KLHDC4: variants seen among roughly 807,000 people sequenced by gnomAD.
KLHDC4 encodes kelch domain containing 4, also known as kelch domain-containing protein 4.
In KLHDC4, 90 loss-of-function variants were observed where a neutral mutation model predicts 62.4. The observed-to-expected ratio is 1.44, with a 90% CI of 1.22 to 1.72. The LOEUF (loss-of-function observed/expected upper bound fraction) is 1.72. Among genes scored for constraint, KLHDC4 ranks in the 40% most tolerant of loss-of-function variants. KLHDC4 has a pLI of 0.00. For synonymous variants in KLHDC4, 386 were observed against 284.4 expected, an observed-to-expected ratio of 1.36 and a Z score of -3.59; for missense variants, 1,025 against 699.7, an observed-to-expected ratio of 1.47 and a Z score of -5.25.
intron 9 of KLHDC4, 53 bp downstream of exon 9, chr16:87,711,182 G>T: frequency 1.3e-6 from 2 of 1,584,340 alleles, no homozygotes; most frequent in African/African-American, 1.3e-5. Flanking sequence ...TGGTGGCAGG[G>T]ACCCAAGTTA....
At chr16:87,716,931 C>A (rs8053132) in intron 7 of KLHDC4, among the ~76,000 whole-genome samples, 7 of 146,814 alleles carry the variant, frequency 4.8e-5, no homozygotes, top group African/African-American at 1.8e-4. Context: ...GACTCCGTCT[C>A]AAAAAAAAGA....
chr16:87,719,023 G>A (rs546419089), intron 7 of KLHDC4, among the ~76,000 whole-genome samples: 9 of 151,496 alleles, frequency 5.9e-5, no homozygotes, highest in South Asian at 2.1e-4. Context: ...GAGCGTCTCC[G>A]CCCAGCAGCC....
chr16:87,716,598 G>C (rs992608645), intron 7 of KLHDC4, among the ~76,000 whole-genome samples: 4 of 152,074 alleles, frequency 2.6e-5, no homozygotes, highest in Admixed American at 6.5e-5. Flanking sequence ...TTTCTCAAGG[G>C]AGCCCTGGTT....
chr16:87,711,274 G>C lies in KLHDC4; in HGVS notation c.1005C>G (p.Tyr335Ter), dbSNP rs150687605. ...SGEFFNDLYF[Y>*]DATRNRWFEG... ...CAAACCAACGGTTCCTGGTGGCGTC[G>C]TAGAAGTACAGATCGTTGAAGAACT... The change falls in exon 9 of 12, where the codon TAC becomes TAG. Residue 335 changes from tyrosine to a stop codon, truncating the protein, a stop_gained. Transcript: ENST00000270583. LOFTEE classifies it high-confidence loss of function. 5.0e-6 allele frequency: 8 copies of C among 1,614,018 alleles called. No homozygotes were observed. Among genetic ancestry groups the C allele is most frequent in the East Asian group, 2.2e-5 (1 of 44,898 alleles).
At chr16:87,756,297 G>C in intron 3 of KLHDC4, 102 bp downstream of exon 3, 1 of 856,176 alleles carries the variant, frequency 1.2e-6, no homozygotes, top group East Asian at 2.5e-5. Flanking sequence ...GATACAAGGG[G>C]TGAAGGGGCT....
At chr16:87,716,092 G>C (rs1022501726) in intron 7 of KLHDC4, among the ~76,000 whole-genome samples, 12 of 152,198 alleles carry the variant, frequency 7.9e-5, no homozygotes, top group Non-Finnish European at 1.6e-4. Flanking sequence ...ATGTCTCGTG[G>C]ATACTGACGT....
intron 3 of KLHDC4, 117 bp from the exon 4 acceptor site, chr16:87,755,409 C>G: frequency 3.4e-6 from 2 of 590,558 alleles, no homozygotes; most frequent in Non-Finnish European, 6.1e-6. Flanking sequence ...GAATGTAAAC[C>G]ATACCAGCAC....
Position 87,755,182 on chromosome 16 carries a change from T to G in KLHDC4, c.369+12A>C, listed in dbSNP as rs2044672384. 6.3e-7 allele frequency: 1 copy of G among 1,582,170 alleles called. No individual in the cohort carries two copies. Among genetic ancestry groups the G allele is most frequent in the Non-Finnish European group, 8.7e-7 (1 of 1,151,330 alleles). ...AAGAGGGAGGGTGGCTGAGAGTCAG[T>G]GCTGACATTACCTGGTGAGCACAGC... On this transcript the variant is annotated intron_variant, in intron 4 of 11. Transcript: ENST00000270583.
chr16:87,709,904 C>T, intron 9 of KLHDC4: 2 of 562,700 alleles, frequency 3.6e-6, no homozygotes, highest in Non-Finnish European at 6.3e-6. Flanking sequence ...AAACCCCCCA[C>T]TGCGTGTCCT....
chr16:87,710,608 A>G lies in KLHDC4; in HGVS notation c.1044+627T>C, dbSNP rs1270486411. On this transcript the variant is annotated intron_variant, in intron 9 of 11. Transcript: ENST00000270583. ...GACTCTGCTTGGAGCAATTCCTTCT[A>G]AAGTAAAAGAGCGAGGCGGACTGTG... 3.3e-5 allele frequency: 5 copies of G among 152,538 alleles called. No homozygotes were observed. The East Asian group carries it at 9.6e-4, about 29-fold the overall frequency. The allele number at this position is 152,538 out of a possible 1,614,324, so 9.4% of individuals were successfully genotyped here. A position where few individuals can be genotyped will look rare whatever the true frequency, so the allele number is the denominator to read the frequency against.
downstream of KLHDC4, among the ~76,000 whole-genome samples, chr16:87,704,958 T>A (rs543055546): frequency 9.9e-5 from 15 of 152,064 alleles, no homozygotes; most frequent in African/African-American, 3.6e-4. Flanking sequence ...AGACGATTCA[T>A]CCTTTAAAAT....
intron 8 of KLHDC4, among the ~76,000 whole-genome samples, chr16:87,713,907 C>A (rs1044521651): frequency 2.0e-5 from 3 of 151,238 alleles, no homozygotes; most frequent in African/African-American, 2.4e-5. Flanking sequence ...GGCATTCTAA[C>A]AGCCCCGAGT....
chr16:87,751,175 A>T (rs1035248587), intron 4 of KLHDC4, among the ~76,000 whole-genome samples: 1 of 152,218 alleles, frequency 6.6e-6, no homozygotes, highest in East Asian at 1.9e-4. Context: ...CGTGAAATAG[A>T]TGCATAGAAA....
Position 87,748,761 on chromosome 16 carries a change from C to G in KLHDC4, c.418G>C (p.Glu140Gln). 1 of 1,613,410 alleles carries G rather than the reference C, an allele frequency of 6.2e-7. No individual in the cohort carries two copies. The highest frequency in any genetic ancestry group is 8.5e-7 in the Non-Finnish European group (1 of 1,179,880). ...GGGQLWVFGG[E>Q]FASPNGEQFY... ...TGCTCTCCGTTGGGAGAGGCAAACT[C>G]CCCTCCAAAGACCCACAGCTGTCCG... The change falls in exon 5 of 12, where the codon GAG becomes CAG. Residue 140 changes from glutamate (E) to glutamine (Q), a missense_variant. Glu to Gln is a conservative substitution (Grantham distance 29). Transcript: ENST00000270583.
intron 3 of KLHDC4, 155 bp from the exon 4 acceptor site, chr16:87,755,447 G>A (rs904685322): frequency 6.3e-5 from 33 of 524,232 alleles, no homozygotes; most frequent in Middle Eastern, 5.8e-4. Context: ...GGTCCCCGGG[G>A]CCATTGGGGA....
intron 7 of KLHDC4, among the ~76,000 whole-genome samples, chr16:87,721,414 TAAAAA>T (rs1176744434): frequency 2.5e-5 from 2 of 78,900 alleles, no homozygotes; most frequent in African/African-American, 5.2e-5. Context: ...ACTCTGTCTC[TAAAAA>T]AAAAAAAAAA....
At chr16:87,725,920 C>T (rs971990506) in intron 7 of KLHDC4, among the ~76,000 whole-genome samples, 12 of 152,132 alleles carry the variant, frequency 7.9e-5, no homozygotes, top group Non-Finnish European at 1.5e-4. Flanking sequence ...GACTACTACA[C>T]AGTAGTGAGC....
At chr16:87,743,689 G>A (rs1481464152) in intron 5 of KLHDC4, among the ~76,000 whole-genome samples, 3 of 151,770 alleles carry the variant, frequency 2.0e-5, no homozygotes, top group African/African-American at 7.3e-5. Context: ...GCAGTGAGCC[G>A]AGATCAAACC....
chr16:87,707,611 T>C (rs1469355257), downstream of KLHDC4, among the ~76,000 whole-genome samples: 1 of 152,148 alleles, frequency 6.6e-6, no homozygotes, highest in Non-Finnish European at 1.5e-5. Flanking sequence ...TCTTCTGGTT[T>C]TGCAGAAGGA....
Sources: gnomAD v4.1 joint callset for allele counts (sites outside exome capture counted in the v4.1 genomes callset) on GRCh38, gnomAD v4.1.1 for gene constraint, MANE v1.5 for transcripts, NCBI Gene and HGNC (gene_info 2026-07-23, HGNC 2026-07-21) for gene names.